The following ADAMTS7 variants were observed in gnomAD, a reference collection of about 807,000 sequenced individuals.
ADAMTS7 encodes the protein A disintegrin and metalloproteinase with thrombospondin motifs 7.
A neutral mutation model predicts 172.6 loss-of-function variants in ADAMTS7; 89 were observed. The observed-to-expected ratio is 0.52, with a 90% confidence interval of 0.43 to 0.61. The LOEUF (loss-of-function observed/expected upper bound fraction) is 0.61. Among genes scored for constraint, ADAMTS7 ranks in the 20% least tolerant of loss-of-function variants. The pLI, the probability that ADAMTS7 is intolerant of heterozygous loss-of-function variation, is 0.00. For synonymous variants in ADAMTS7, 885 were observed against 978.4 expected, an observed-to-expected ratio of 0.90 and a Z score of 1.78; for missense variants, 1,973 against 2,355.6, an observed-to-expected ratio of 0.84 and a Z score of 3.36.
intron 8 of ADAMTS7, among the ~76,000 whole-genome samples, chr15:78,780,987 C>T (rs1284869262): frequency 3.3e-5 from 5 of 152,104 alleles, no homozygotes; most frequent in African/African-American, 4.8e-5. Flanking sequence ...TCCTTTACCA[C>T]GGTCCCCACA....
At chr15:78,768,385 GC>G (rs2055195111) in intron 16 of ADAMTS7, 126 bp from the exon 17 acceptor site, 15 of 1,376,876 alleles carry the variant, frequency 1.1e-5, no homozygotes, top group Non-Finnish European at 1.5e-5. Context: ...ATGCCTTACT[GC>G]CCATGTCAGG....
intron 1 of ADAMTS7, among the ~76,000 whole-genome samples, chr15:78,807,407 A>G (rs1317076960): frequency 6.6e-6 from 1 of 152,248 alleles, no homozygotes; most frequent in African/African-American, 2.4e-5. Context: ...CAAATATTGC[A>G]AGACAGAAAT....
At chr15:78,804,301 T>C (rs1326228850) in intron 1 of ADAMTS7, among the ~76,000 whole-genome samples, 1 of 152,184 alleles carries the variant, frequency 6.6e-6, no homozygotes, top group Non-Finnish European at 1.5e-5. Flanking sequence ...TCAAGAGAAA[T>C]CTCATGTGCC....
Position 78,765,838 on chromosome 15 carries a change from C to T in ADAMTS7, c.4073G>A (p.Gly1358Asp), listed in dbSNP as rs778443311. ...PEPALNPGPK[G>D]QPESLSPEVP... ...CTCAGGGCTGAGGGACTCAGGCTGA[C>T]CCTTGGGTCCTGGGTTCAGGGCAGG... Residue 1358 changes from glycine to aspartate, a missense_variant, in exon 19 of 24, where the codon GGT becomes GAT. This residue lies in a region of ADAMTS7 where 771 missense variants were observed against 952.6 expected (regional missense o/e 0.81). Transcript: ENST00000388820. The T allele has an allele frequency of 1.7e-5, 26 of 1,546,092 alleles. No homozygotes were observed. The highest frequency in any genetic ancestry group is 2.4e-4 in the Middle Eastern group (1 of 4,210).
intron 14 of ADAMTS7, 144 bp downstream of exon 14, chr15:78,772,939 G>A: frequency 8.9e-7 from 1 of 1,124,960 alleles, no homozygotes. Context: ...ACTCCTGCAA[G>A]AATCCACCCC....
At chr15:78,786,486 C>G (rs1245134724) in intron 8 of ADAMTS7, among the ~76,000 whole-genome samples, 2 of 152,192 alleles carry the variant, frequency 1.3e-5, no homozygotes, top group African/African-American at 4.8e-5. Flanking sequence ...CCATTTGAAC[C>G]AGACTTACTT....
At chr15:78,762,343 C>T in intron 23 of ADAMTS7, 60 bp downstream of exon 23, 1 of 1,346,680 alleles carries the variant, frequency 7.4e-7, no homozygotes, top group Non-Finnish European at 9.6e-7. Context: ...GACCCCATTT[C>T]CCCATCACCC....
intron 14 of ADAMTS7, among the ~76,000 whole-genome samples, chr15:78,772,786 G>T (rs2055272127): frequency 6.6e-6 from 1 of 152,278 alleles, no homozygotes; most frequent in East Asian, 1.9e-4. Context: ...CGGAGCTGGG[G>T]TCTCAGAAGC....
At chr15:78,789,586 C>T (rs2055549947) in intron 7 of ADAMTS7, 103 bp downstream of exon 7, 2 of 1,468,454 alleles carry the variant, frequency 1.4e-6, no homozygotes, top group South Asian at 2.5e-5. Flanking sequence ...CAGAGAGCTT[C>T]CTTTCCCCTG....
At chr15:78,802,938 A>G (rs927992447) in intron 1 of ADAMTS7, among the ~76,000 whole-genome samples, 10 of 152,176 alleles carry the variant, frequency 6.6e-5, no homozygotes, top group Non-Finnish European at 1.2e-4. Flanking sequence ...TGGAGGTTGT[A>G]GTGAGCCGAG....
rs774297669 is a variant in ADAMTS7 at position 78,763,987 on chromosome 15, G to C, written c.4532C>G (p.Pro1511Arg). The change falls in exon 21 of 24, where the codon CCT (proline) becomes CGT (arginine). Residue 1511 changes from proline to arginine, a missense_variant. Coordinates refer to ENST00000388820, the MANE Select transcript of ADAMTS7 (RefSeq NM_014272.5). ...CTGGGCCCCGCAGGGCCGGTGCGCA[G>C]GCGGCTTGGCAGGCCCGGGCTGACA... ...FHCQPGPAKP[P>R]AHRPCGAQPC... The C allele has an allele frequency of 1.7e-5, 27 of 1,545,746 alleles. No individual in the cohort carries two copies. The highest frequency in any genetic ancestry group is 2.7e-5 in the African/African-American group (2 of 73,612).
intron 23 of ADAMTS7, among the ~76,000 whole-genome samples, chr15:78,760,243 A>T (rs1221908720): frequency 1.3e-5 from 2 of 152,178 alleles, no homozygotes; most frequent in African/African-American, 4.8e-5. Context: ...GTCAGGGCTG[A>T]GGCTTGGCTG....
chr15:78,764,969 G>A, intron 19 of ADAMTS7: 4 of 390,836 alleles, frequency 1.0e-5, no homozygotes, highest in South Asian at 8.0e-5. Flanking sequence ...TGGTGCAGAG[G>A]TGGGGGGAGG....
intron 13 of ADAMTS7, among the ~76,000 whole-genome samples, chr15:78,773,717 C>G (rs570067069): frequency 6.6e-6 from 1 of 152,218 alleles, no homozygotes; most frequent in East Asian, 1.9e-4. Flanking sequence ...ATTGTTACCA[C>G]ACACTGAGGG....
rs533435962 is a variant in ADAMTS7 at position 78,771,650 on chromosome 15, C to T, written c.2311G>A (p.Ala771Thr). The change falls in exon 15 of 24, where the codon GCA becomes ACA. Residue 771 changes from alanine to threonine, a missense_variant. Transcript: ENST00000388820. The surrounding 1 kb of genome is among the most constrained non-coding windows in gnomAD (Gnocchi z 4.9). ...YQVAGTTFTY[A>T]RRGNWENLTS... Reference sequence around the variant, plus strand: ...AGGTTCTCCCAGTTGCCCCTGCGTGCGTATGTGAAGGTGGTCCCTGCCACC... The same window carrying T: ...AGGTTCTCCCAGTTGCCCCTGCGTGTGTATGTGAAGGTGGTCCCTGCCACC... The T allele has an allele frequency of 3.7e-6, 6 of 1,602,262 alleles. No individual in the cohort carries two copies. Among genetic ancestry groups the T allele is most frequent in the African/African-American group, 1.3e-5 (1 of 74,960 alleles).
At chr15:78,760,366 G>A (rs1426826391) in intron 23 of ADAMTS7, among the ~76,000 whole-genome samples, 2 of 152,174 alleles carry the variant, frequency 1.3e-5, no homozygotes, top group Non-Finnish European at 2.9e-5. Flanking sequence ...CTGCCACCCG[G>A]GCCCTGCTTA....
chr15:78,778,087 C>T (rs1275833079), intron 8 of ADAMTS7, among the ~76,000 whole-genome samples: 2 of 152,218 alleles, frequency 1.3e-5, no homozygotes, highest in African/African-American at 2.4e-5. Context: ...TGGGAGAGAG[C>T]CCAGGGCAAC....
chr15:78,774,482 C>T (rs1427230185), intron 12 of ADAMTS7, 142 bp downstream of exon 12: 46 of 1,404,208 alleles, frequency 3.3e-5, no homozygotes, highest in Middle Eastern at 2.5e-4. Context: ...GAGCTAGGGG[C>T]GAGCAGCAGC....
At position 78,771,782 on chromosome 15, in the gene ADAMTS7, T is replaced by G. The variant is rs751760508; in HGVS notation, c.2179A>C (p.Ile727Leu). The change falls in exon 15 of 24, where the codon ATC (isoleucine) becomes CTC (leucine). Residue 727 changes from isoleucine to leucine, a missense_variant. By Grantham distance (5) the Ile-to-Leu change is conservative. Around this residue, in one of 8 missense-constraint regions of ADAMTS7, gnomAD observed 771 missense variants for 952.6 expected, o/e 0.81. Transcript: ENST00000388820. This position sits in a 1 kb window ranked among gnomAD's most constrained non-coding sequence, Gnocchi z 4.9. Reference protein sequence around the residue: ...LIPAGAREIRIQEVAEAANFL... With the variant: ...LIPAGAREIRLQEVAEAANFL... ...TTGGCAGCCTCGGCAACCTCTTGGA[T>G]GCGGATCTCGCGTGCGCCCGCTGGG... is the stretch of plus-strand genomic sequence containing the variant. 13 of 1,612,632 alleles carry G rather than the reference T, an allele frequency of 8.1e-6. No homozygotes were observed. Among genetic ancestry groups the G allele is most frequent in the African/African-American group, 1.3e-5 (1 of 74,908 alleles).
Sources: allele counts gnomAD v4.1 joint callset (sites outside exome capture counted in the v4.1 genomes callset), GRCh38; gene constraint gnomAD v4.1.1; regional missense constraint gnomAD v4.1.1; non-coding constraint Gnocchi (gnomAD v3.1); transcripts MANE v1.5; gene names NCBI Gene and HGNC (gene_info 2026-07-23, HGNC 2026-07-21).